DOCK8: variants seen among roughly 807,000 people sequenced by gnomAD.
The protein encoded by DOCK8 is dedicator of cytokinesis protein 8.
In DOCK8, 141 loss-of-function variants were observed where a neutral mutation model predicts 245.6. The ratio of observed to expected loss-of-function variants is 0.57; its 90% CI spans 0.50 to 0.66. The LOEUF (loss-of-function observed/expected upper bound fraction) is 0.66, where lower values mean the gene tolerates loss of function less well. DOCK8 is among the 30% of genes least tolerant of loss of function. The pLI is 0.00. For missense variants in DOCK8, 2,965 were observed against 2,603.4 expected, an observed-to-expected ratio of 1.14 and a Z score of -3.02; for synonymous variants, 1,168 against 970.2, an observed-to-expected ratio of 1.20 and a Z score of -3.79.
intron 1 of DOCK8, among the ~76,000 whole-genome samples, chr9:232,474 C>G (rs896001930): frequency 6.6e-6 from 1 of 152,156 alleles, no homozygotes; most frequent in South Asian, 2.1e-4. Context: ...AGGAATGGTA[C>G]CAGCTCCTCT....
In DOCK8 at chr9:386,353, G is replaced by T. The variant is rs755168605; in HGVS notation, c.2801G>T (p.Arg934Leu). The T allele has an allele frequency of 2.5e-6, 4 of 1,613,788 alleles. No individual in the cohort carries two copies. The highest frequency in any genetic ancestry group is 2.2e-5 in the East Asian group (1 of 44,876). ...TAGATCGCCGATCGCAACTGCAGCCGAATGTCTTACTATTGCTCTGGCAGT... is the reference window on the plus strand; with the variant it reads ...TAGATCGCCGATCGCAACTGCAGCCTAATGTCTTACTATTGCTCTGGCAGT... ...SSKIADRNCS[R>L]MSYYCSGSSD... Residue 934 changes from arginine (R) to leucine (L), a missense_variant, in exon 23 of 48, where the codon CGA (arginine) becomes CTA (leucine). By Grantham distance (102) the Arg-to-Leu change is moderately radical. Coordinates refer to ENST00000432829, the MANE Select transcript of DOCK8 (RefSeq NM_203447.4).
rs140847197 is a variant in DOCK8 at position 254,996 on chromosome 9, G to T, written c.54-16631G>T. ...TATTTTTGTATGCTAAAGTTTGAGGGTCACCACTGGAGAGATTCCAGAACA... is the reference window on the plus strand; with the variant it reads ...TATTTTTGTATGCTAAAGTTTGAGGTTCACCACTGGAGAGATTCCAGAACA... On this transcript the variant is annotated intron_variant, in intron 1 of 47. Transcript: ENST00000432829. Among the ~76,000 whole-genome samples, 207 of 152,196 alleles carry T rather than the reference G, an allele frequency of 1.4e-3. 1 individual carries two copies. Among genetic ancestry groups the T allele is most frequent in the African/African-American group, 4.7e-3 (195 of 41,520 alleles).
chr9:391,911 G>A (rs769362006), intron 24 of DOCK8, among the ~76,000 whole-genome samples: 1 of 150,680 alleles, frequency 6.6e-6, no homozygotes, highest in Non-Finnish European at 1.5e-5. Flanking sequence ...GGCTGAGGCA[G>A]GCAGGTCACT....
intron 24 of DOCK8, among the ~76,000 whole-genome samples, chr9:393,085 C>CAAAAAAAAAAAAAAAA (rs1159933739): frequency 8.9e-5 from 4 of 44,748 alleles, no homozygotes; most frequent in African/African-American, 1.4e-4. Flanking sequence ...GACCCTGTCT[C>CAAAAAAAAAAAAAAAA]AAAAAAAAAA....
chr9:448,792 A>T lies in DOCK8; in HGVS notation c.5818-992A>T, dbSNP rs4741960. 4.6e-5 allele frequency among the ~76,000 whole-genome samples: 7 copies of T among 152,122 alleles called. No individual in the cohort carries two copies. The East Asian group carries it at 1.2e-3, about 25-fold the overall frequency. ...GCCTCTGTAAAGACCCTATCTCCAA[A>T]GAAGGTCACATTCTGAGGTACTGAA... On this transcript the variant is annotated intron_variant, in intron 44 of 47. Coordinates refer to ENST00000432829, the MANE Select transcript of DOCK8 (RefSeq NM_203447.4).
At chr9:216,531 AAC>A (rs2046756191) in intron 1 of DOCK8, among the ~76,000 whole-genome samples, 1 of 136,890 alleles carries the variant, frequency 7.3e-6, no homozygotes, top group Non-Finnish European at 1.6e-5. Flanking sequence ...TGTCTCAAAA[AAC>A]AGACAAAAAA....
At position 317,240 on chromosome 9, in the gene DOCK8, C is replaced by G. The variant is rs11793484; in HGVS notation, c.827+112C>G. The G allele has an allele frequency of 3.4e-6, 3 of 876,410 alleles. No individual in the cohort carries two copies. The African/African-American group carries it at 5.0e-5, about 15-fold the overall frequency. 54.3% of individuals were successfully genotyped at this position (876,410 alleles called of 1,614,324 possible). A position where few individuals can be genotyped will look rare whatever the true frequency, so the allele number is the denominator to read the frequency against. ...TCAAAGCGGAGCTCCCAAAATACGT[C>G]TAACAGTGGGCAGCTGTGGAGTAGT... On this transcript the variant is annotated intron_variant, in intron 7 of 47. Transcript: ENST00000432829.
intron 46 of DOCK8, among the ~76,000 whole-genome samples, chr9:454,813 C>A (rs1195691603): frequency 1.3e-5 from 2 of 152,262 alleles, no homozygotes; most frequent in East Asian, 3.9e-4. Flanking sequence ...AATGTACTTA[C>A]AAAATCCCTA....
intron 19 of DOCK8, 73 bp from the exon 20 acceptor site, chr9:376,904 G>T: frequency 1.5e-6 from 2 of 1,327,976 alleles, no homozygotes; most frequent in Non-Finnish European, 2.1e-6. Flanking sequence ...AGAGCTATTC[G>T]ATTGTGTTTG....
intron 1 of DOCK8, among the ~76,000 whole-genome samples, chr9:263,974 C>A (rs1023307992): frequency 6.6e-6 from 1 of 152,182 alleles, no homozygotes; most frequent in East Asian, 1.9e-4. Flanking sequence ...TATGAAGCTG[C>A]GTCTGGTATT....
At chr9:246,289 C>G (rs1352982861) in intron 1 of DOCK8, among the ~76,000 whole-genome samples, 4 of 151,980 alleles carry the variant, frequency 2.6e-5, no homozygotes, top group African/African-American at 9.7e-5. Flanking sequence ...AAGGCCAAGT[C>G]TGGACAATTC....
chr9:437,462 A>G (rs531440139), intron 39 of DOCK8, among the ~76,000 whole-genome samples: 2 of 152,298 alleles, frequency 1.3e-5, no homozygotes, highest in East Asian at 3.9e-4. Context: ...AACCAGCCAT[A>G]CTGGCCAGAG....
chr9:423,683 G>T (rs7039402), intron 33 of DOCK8, among the ~76,000 whole-genome samples: 3,235 of 152,220 alleles, frequency 0.021, 106 homozygotes, highest in South Asian at 0.072. Context: ...TTTGCTTTGG[G>T]TATGTTATTC....
intron 7 of DOCK8, among the ~76,000 whole-genome samples, chr9:322,773 A>G (rs2050573838): frequency 6.6e-6 from 1 of 152,210 alleles, no homozygotes; most frequent in Non-Finnish European, 1.5e-5. Flanking sequence ...CATGCCAGGC[A>G]GCAGCTGGTG....
chr9:393,014 A>G (rs1284304686), intron 24 of DOCK8, among the ~76,000 whole-genome samples: 1 of 139,540 alleles, frequency 7.2e-6, no homozygotes, highest in Non-Finnish European at 1.5e-5. Flanking sequence ...GGAGCCTAGG[A>G]GTTCAAGGCT....
intron 4 of DOCK8, among the ~76,000 whole-genome samples, chr9:290,512 A>T (rs1233375282): frequency 6.6e-6 from 1 of 152,226 alleles, no homozygotes; most frequent in African/African-American, 2.4e-5. Flanking sequence ...GAAATAAATT[A>T]CTTGCTGGCC....
chr9:275,198 G>C (rs1259664991), intron 2 of DOCK8, among the ~76,000 whole-genome samples: 1 of 149,026 alleles, frequency 6.7e-6, no homozygotes, highest in African/African-American at 2.6e-5. Context: ...GTATATATTG[G>C]CTAGTATTGC....
intron 14 of DOCK8, among the ~76,000 whole-genome samples, chr9:341,189 A>C (rs1378013703): frequency 6.6e-6 from 1 of 152,216 alleles, no homozygotes; most frequent in Non-Finnish European, 1.5e-5. Flanking sequence ...GATTTTAATT[A>C]ATTTTAATTT....
At position 362,946 on chromosome 9, in the gene DOCK8, G is replaced by A. The variant is rs560517956; in HGVS notation, c.1680-5072G>A. 7.9e-5 allele frequency among the ~76,000 whole-genome samples: 12 copies of A among 152,332 alleles called. No individual in the cohort carries two copies. The South Asian group carries it at 2.5e-3, about 32-fold the overall frequency. On this transcript the variant is annotated intron_variant, in intron 14 of 47. Transcript: ENST00000432829. ...ATAGAAGATGGTCCCAAGATGGTAA[G>A]AGCAGAGTGTTTGGTTGATAATTTG...
Sources: gnomAD v4.1 joint callset for allele counts (sites outside exome capture counted in the v4.1 genomes callset) on GRCh38, gnomAD v4.1.1 for gene constraint, MANE v1.5 for transcripts, NCBI Gene and HGNC (gene_info 2026-07-23, HGNC 2026-07-21) for gene names.